CBLB: variants seen among roughly 807,000 people sequenced by gnomAD.
The protein encoded by CBLB is E3 ubiquitin-protein ligase CBL-B.
CBLB carries 31 observed loss-of-function variants against 104.9 expected under a neutral mutation model. That is an observed-to-expected ratio of 0.30 (90% CI 0.22 to 0.40). CBLB has a LOEUF of 0.40. CBLB is among the 10% of genes least tolerant of loss of function. CBLB has a pLI of 1.00. For missense variants in CBLB, 1,062 were observed against 1,214.6 expected (o/e 0.87, Z 1.87); for synonymous variants, 440 against 422.6 (o/e 1.04, Z -0.51).
chr3:105,728,861 A>G (rs1201808686), intron 9 of CBLB, among the ~76,000 whole-genome samples: 4 of 152,182 alleles, frequency 2.6e-5, no homozygotes, highest in Non-Finnish European at 4.4e-5. Context: ...GCAATTAAAG[A>G]GTAACCACTT....
At chr3:105,764,695 A>C (rs947094005) in intron 4 of CBLB, among the ~76,000 whole-genome samples, 2 of 152,220 alleles carry the variant, frequency 1.3e-5, no homozygotes, top group African/African-American at 4.8e-5. Context: ...TTTAGTGAGA[A>C]AGGCATGTCT....
chr3:105,867,332 T>C (rs2092482505), intron 2 of CBLB, 78 bp downstream of exon 2: 3 of 1,244,058 alleles, frequency 2.4e-6, no homozygotes, highest in Non-Finnish European at 3.6e-6. Flanking sequence ...TGGTATTAAT[T>C]AACAGTATAA....
chr3:105,800,374 G>A (rs186602030), intron 3 of CBLB, among the ~76,000 whole-genome samples: 124 of 152,148 alleles, frequency 8.1e-4, no homozygotes, highest in African/African-American at 2.9e-3. Context: ...AACACACAAC[G>A]AATCCCAAGG....
intron 7 of CBLB, among the ~76,000 whole-genome samples, chr3:105,738,754 A>C (rs2075220619): frequency 6.6e-6 from 1 of 152,142 alleles, no homozygotes; most frequent in African/African-American, 2.4e-5. Context: ...AAATCTATAC[A>C]CAAAGCTTTG....
chr3:105,702,476 G>GAAAAAAAAAAAAAAAAAAAAGAAAAA lies in CBLB; in HGVS notation c.1594-18_1594-17insTTTTTCTTTTTTTTTTTTTTTTTTTT. The GAAAAAAAAAAAAAAAAAAAAGAAAAA allele has an allele frequency of 1.4e-5, 4 of 277,060 alleles. No homozygotes were observed. The highest frequency in any genetic ancestry group is 9.0e-5 in the South Asian group (2 of 22,334). 17.2% of individuals were successfully genotyped at this position (277,060 alleles called of 1,614,324 possible). ...AGGAGAAGACTAAAGAAACAGAAGA[G>GAAAAAAAAAAAAAAAAAAAAGAAAAA]AAAAAAAAAAAAAAAAAAAAAAACT... On this transcript the variant is annotated splice_polypyrimidine_tract_variant and intron_variant, in intron 11 of 18. Transcript: ENST00000394030.
At chr3:105,720,365 G>A (rs1317377473) in intron 9 of CBLB, 115 bp from the exon 10 acceptor site, 11 of 901,244 alleles carry the variant, frequency 1.2e-5, no homozygotes, top group Non-Finnish European at 1.6e-5. Flanking sequence ...TTTTGGGGTA[G>A]GAGGTGGGGG....
intron 3 of CBLB, among the ~76,000 whole-genome samples, chr3:105,823,654 C>T (rs2086184854): frequency 6.6e-6 from 1 of 152,176 alleles, no homozygotes; most frequent in Non-Finnish European, 1.5e-5. Flanking sequence ...ACTCTTCCTA[C>T]TGCTATGCAA....
chr3:105,666,611 G>A (rs1297090724), intron 18 of CBLB, among the ~76,000 whole-genome samples: 1 of 152,080 alleles, frequency 6.6e-6, no homozygotes, highest in Non-Finnish European at 1.5e-5. Context: ...ACTTGAACCT[G>A]GGAGGTGGAA....
Position 105,776,537 on chromosome 3 carries a change from T to C in CBLB, c.425A>G (p.Asn142Ser). 1 of 1,613,648 alleles carries C rather than the reference T, an allele frequency of 6.2e-7. No homozygotes were observed. Among genetic ancestry groups the C allele is most frequent in the Non-Finnish European group, 8.5e-7 (1 of 1,179,804 alleles). The change falls in exon 4 of 19, where the codon AAT becomes AGT. Residue 142 changes from asparagine to serine, a missense_variant. By Grantham distance (46) the Asn-to-Ser change is conservative (BLOSUM62 1). Coordinates refer to ENST00000394030, the MANE Select transcript of CBLB (RefSeq NM_170662.5). ...MYEEQSQDRR[N>S]LTKLSLIFSH... Reference sequence around the variant, plus strand: ...GAAGATAAGGGACAGTTTTGTGAGATTTCGTCTGTAGGCACAAGGGAAAAA... The same window carrying C: ...GAAGATAAGGGACAGTTTTGTGAGACTTCGTCTGTAGGCACAAGGGAAAAA...
rs149728318 is a variant in CBLB at position 105,817,833 on chromosome 3, G to A, written c.419+35581C>T. Among the ~76,000 whole-genome samples, 323 of 152,218 alleles carry A rather than the reference G, an allele frequency of 2.1e-3. 1 individual carries two copies. The highest frequency in any genetic ancestry group is 7.6e-3 in the African/African-American group (315 of 41,532). On this transcript the variant is annotated intron_variant, in intron 3 of 18. Transcript: ENST00000394030. ...TATTTAATAAATATTTTGGGTATCCGAGGTGTTATATAAATACACGTAAAG... is the reference window on the plus strand; with the variant it reads ...TATTTAATAAATATTTTGGGTATCCAAGGTGTTATATAAATACACGTAAAG...
intron 10 of CBLB, among the ~76,000 whole-genome samples, chr3:105,715,453 T>C (rs1054907665): frequency 6.6e-6 from 1 of 152,220 alleles, no homozygotes; most frequent in Non-Finnish European, 1.5e-5. Context: ...AAATACACTA[T>C]ATGTTTAGTA....
intron 3 of CBLB, among the ~76,000 whole-genome samples, chr3:105,821,888 T>G (rs576327079): frequency 6.6e-6 from 1 of 152,126 alleles, no homozygotes; most frequent in Non-Finnish European, 1.5e-5. Flanking sequence ...CAAATATAAA[T>G]GAACAGAGAT....
At chr3:105,860,277 T>C (rs554070033) in intron 2 of CBLB, among the ~76,000 whole-genome samples, 2 of 152,066 alleles carry the variant, frequency 1.3e-5, no homozygotes, top group African/African-American at 2.4e-5. Flanking sequence ...CTCAGGAAAA[T>C]TATATTACAA....
chr3:105,850,876 A>G (rs1216872643), intron 3 of CBLB, among the ~76,000 whole-genome samples: 1 of 152,158 alleles, frequency 6.6e-6, no homozygotes, highest in South Asian at 2.1e-4. Context: ...GTGGATGTGG[A>G]GCACCAAGAA....
intron 9 of CBLB, among the ~76,000 whole-genome samples, chr3:105,731,168 T>C (rs765015525): frequency 6.6e-6 from 1 of 152,212 alleles, no homozygotes; most frequent in Non-Finnish European, 1.5e-5. Context: ...ATGTAAAATG[T>C]TGTGGTGATT....
At chr3:105,702,987 C>A (rs1353097787) in intron 11 of CBLB, among the ~76,000 whole-genome samples, 2 of 151,922 alleles carry the variant, frequency 1.3e-5, no homozygotes, top group Non-Finnish European at 2.9e-5. Flanking sequence ...TCGGTTATTA[C>A]CAGAATAGTA....
At chr3:105,734,306 G>A (rs2074665400) in intron 8 of CBLB, among the ~76,000 whole-genome samples, 166 bp from the exon 9 acceptor site, 1 of 151,988 alleles carries the variant, frequency 6.6e-6, no homozygotes, top group Non-Finnish European at 1.5e-5. Flanking sequence ...ATCACAATTT[G>A]GTCTACAAAA....
intron 9 of CBLB, among the ~76,000 whole-genome samples, chr3:105,730,157 AT>A (rs1051724314): frequency 1.3e-5 from 2 of 152,010 alleles, no homozygotes; most frequent in African/African-American, 4.8e-5. Context: ...TAAAACAGCG[AT>A]AAAAATGCAG....
At chr3:105,711,149 C>T (rs1256324112) in intron 10 of CBLB, among the ~76,000 whole-genome samples, 2 of 151,934 alleles carry the variant, frequency 1.3e-5, no homozygotes, top group African/African-American at 2.4e-5. Flanking sequence ...TCTCCAATTA[C>T]TAATAAGATG....
Sources: gnomAD v4.1 joint callset for allele counts (sites outside exome capture counted in the v4.1 genomes callset) on GRCh38, gnomAD v4.1.1 for gene constraint, MANE v1.5 for transcripts, NCBI Gene and HGNC (gene_info 2026-07-23, HGNC 2026-07-21) for gene names.